Variants in PTPRE observed in about 807,000 individuals in gnomAD.
PTPRE encodes the protein receptor-type tyrosine-protein phosphatase epsilon.
A neutral mutation model predicts 102.0 loss-of-function variants in PTPRE; 51 were observed. The ratio of observed to expected loss-of-function variants is 0.50; its 90% CI spans 0.40 to 0.63. The LOEUF (loss-of-function observed/expected upper bound fraction) is 0.63. PTPRE is among the 30% of genes least tolerant of loss of function. The pLI, the probability that PTPRE is intolerant of heterozygous loss-of-function variation, is 0.00. For synonymous variants in PTPRE, 345 were observed against 348.2 expected (o/e 0.99, Z 0.10); for missense variants, 752 against 915.1 (o/e 0.82, Z 2.30).
chr10:128,049,738 G>A lies in PTPRE; in HGVS notation c.420+72G>A, dbSNP rs924828182. On this transcript the variant is annotated intron_variant, in intron 6 of 20. Coordinates refer to ENST00000254667, the MANE Select transcript of PTPRE (RefSeq NM_006504.6). ...TGTGAAATCCAGTGTTAGAGTTCAG[G>A]ATGAATTATCCCAAAGACTCAGAAC... The A allele has an allele frequency of 2.5e-4, 396 of 1,596,392 alleles. 3 individuals are homozygous for A. Among genetic ancestry groups the A allele is most frequent in the Middle Eastern group, 1.7e-4 (1 of 5,914 alleles).
At chr10:127,964,871 A>G (rs770176210) in intron 1 of PTPRE, 1 of 391,638 alleles carries the variant, frequency 2.6e-6, no homozygotes, top group Non-Finnish European at 5.1e-6. Context: ...AGCCGAGCTC[A>G]TCAGCGGGCT....
At chr10:127,983,913 G>C (rs1476430872) in intron 2 of PTPRE, among the ~76,000 whole-genome samples, 1 of 152,076 alleles carries the variant, frequency 6.6e-6, no homozygotes, top group Non-Finnish European at 1.5e-5. Context: ...AAACCGGCAA[G>C]AGATTCAGAA....
At chr10:128,080,359 C>T (rs907680395) in intron 20 of PTPRE, among the ~76,000 whole-genome samples, 2 of 152,192 alleles carry the variant, frequency 1.3e-5, no homozygotes, top group African/African-American at 4.8e-5. Context: ...TCCCTGCCTG[C>T]TCACTCTCCA....
intron 1 of PTPRE, among the ~76,000 whole-genome samples, chr10:127,945,751 A>G (rs1589800587): frequency 6.6e-6 from 1 of 152,082 alleles, no homozygotes; most frequent in African/African-American, 2.4e-5. Context: ...TTTCCTCCTC[A>G]AGATTCATCA....
intron 17 of PTPRE, 39 bp from the exon 18 acceptor site, chr10:128,076,564 A>G (rs777294594): frequency 1.3e-6 from 2 of 1,544,862 alleles, no homozygotes; most frequent in East Asian, 2.3e-5. Context: ...GCAGCAAATT[A>G]TTTATTACAA....
chr10:128,021,670 C>T (rs1342868457), intron 2 of PTPRE, among the ~76,000 whole-genome samples: 2 of 152,250 alleles, frequency 1.3e-5, no homozygotes, highest in Admixed American at 1.3e-4. Flanking sequence ...TCCTGTTCTT[C>T]TCACCAGTCA....
chr10:127,960,146 G>T (rs1288831355), intron 1 of PTPRE, among the ~76,000 whole-genome samples: 1 of 152,168 alleles, frequency 6.6e-6, no homozygotes, highest in Non-Finnish European at 1.5e-5. Context: ...TTGCTGGCAT[G>T]CGGGTGCCCC....
Position 128,011,750 on chromosome 10 carries a change from C to A in PTPRE, c.-7-29125C>A, listed in dbSNP as rs538691430. 6.6e-4 allele frequency among the ~76,000 whole-genome samples: 101 copies of A among 152,370 alleles called. 1 individual carries two copies. Among genetic ancestry groups the A allele is most frequent in the African/African-American group, 2.3e-3 (96 of 41,596 alleles). On this transcript the variant is annotated intron_variant, in intron 2 of 20. Transcript: ENST00000254667. ...GCATCCTAGGGGCTCCCCCCTCCAC[C>A]CCAAGAGGGTGCCATGGCTGGTGCC...
At chr10:127,982,993 A>T (rs1273787500) in intron 2 of PTPRE, among the ~76,000 whole-genome samples, 1 of 152,184 alleles carries the variant, frequency 6.6e-6, no homozygotes, top group Non-Finnish European at 1.5e-5. Flanking sequence ...TGGCACGTGG[A>T]CTTCTGGGTG....
intron 10 of PTPRE, among the ~76,000 whole-genome samples, chr10:128,063,742 T>C (rs1441495230): frequency 6.6e-6 from 1 of 152,248 alleles, no homozygotes; most frequent in Non-Finnish European, 1.5e-5. Context: ...AAGTACTCAT[T>C]AGCATCTGCT....
At chr10:127,991,399 A>T (rs1273833392) in intron 2 of PTPRE, among the ~76,000 whole-genome samples, 2 of 152,162 alleles carry the variant, frequency 1.3e-5, no homozygotes, top group South Asian at 4.1e-4. Flanking sequence ...TCCTTTAAAA[A>T]ATTCTTTCTG....
At chr10:128,010,357 G>A (rs1844876348) in intron 2 of PTPRE, among the ~76,000 whole-genome samples, 1 of 152,172 alleles carries the variant, frequency 6.6e-6, no homozygotes, top group Non-Finnish European at 1.5e-5. Context: ...GCTTGGCTTG[G>A]GGAATTGAAA....
Position 127,954,742 on chromosome 10 carries a change from C to A in PTPRE, c.-30-27532C>A, listed in dbSNP as rs140459965. On this transcript the variant is annotated intron_variant, in intron 1 of 20. Transcript: ENST00000254667. ...CTAAATCAGTGTCCAACATATGATG[C>A]TCTTTCTCCTATAGCCGGGATTCAC... Among the ~76,000 whole-genome samples, 4 of 152,116 alleles carry A rather than the reference C, an allele frequency of 2.6e-5. No individual in the cohort carries two copies. In the South Asian group the frequency reaches 6.3e-4, roughly 24 times the overall value.
rs4568912 is a variant in PTPRE at position 128,084,376 on chromosome 10, A to G, written c.*1470A>G. ...TTCACTGATAACTGATCGCACCCTC[A>G]TGTTGCAGTGTTCGTCCCCTATTCA... On this transcript the variant is annotated 3_prime_UTR_variant, in exon 21 of 21. Transcript: ENST00000254667. The G allele has an allele frequency of 0.55, 83,065 of 152,038 alleles. 22,880 individuals carry two copies. The highest frequency in any genetic ancestry group is 0.62 in the Admixed American group (9,480 of 15,300). The allele number at this position is 152,038 out of a possible 1,614,324, so 9.4% of individuals were successfully genotyped here. A position where few individuals can be genotyped will look rare whatever the true frequency, so the allele number is the denominator to read the frequency against.
intron 1 of PTPRE, among the ~76,000 whole-genome samples, chr10:127,970,180 C>G (rs763037396): frequency 6.6e-6 from 1 of 152,150 alleles, no homozygotes; most frequent in Non-Finnish European, 1.5e-5. Context: ...AGCTGGGAGA[C>G]ACAAGAGGGA....
intron 10 of PTPRE, among the ~76,000 whole-genome samples, chr10:128,063,833 G>A (rs1260239850): frequency 1.3e-5 from 2 of 152,148 alleles, no homozygotes; most frequent in African/African-American, 4.8e-5. Flanking sequence ...GGGGAGCCTG[G>A]GTGCGGGGGT....
rs943814911 is a variant in PTPRE, at chr10:128,007,972, A to C, written c.-8+25676A>C. Among the ~76,000 whole-genome samples the C allele has an allele frequency of 2.6e-5, 4 of 152,222 alleles. No homozygotes were observed. In the South Asian group the frequency reaches 8.3e-4, roughly 32 times the overall value. ...ACATTGATAAACCCTCCTACATCCCAATACTGACTTAGGGATGGAACCCCG... is the reference window on the plus strand; with the variant it reads ...ACATTGATAAACCCTCCTACATCCCCATACTGACTTAGGGATGGAACCCCG... On this transcript the variant is annotated intron_variant, in intron 2 of 20. Coordinates refer to ENST00000254667, the MANE Select transcript of PTPRE (RefSeq NM_006504.6).
At chr10:127,959,259 G>A (rs1287000351) in intron 1 of PTPRE, among the ~76,000 whole-genome samples, 1 of 152,188 alleles carries the variant, frequency 6.6e-6, no homozygotes, top group Non-Finnish European at 1.5e-5. Context: ...GACTTGAGGG[G>A]AGTGGAGAAA....
chr10:127,966,509 C>T (rs1208761874), intron 1 of PTPRE, among the ~76,000 whole-genome samples: 1 of 152,114 alleles, frequency 6.6e-6, no homozygotes, highest in Non-Finnish European at 1.5e-5. Flanking sequence ...GTAGACATTA[C>T]CACATACACC....
Sources: gnomAD v4.1 joint callset for allele counts (sites outside exome capture counted in the v4.1 genomes callset) on GRCh38, gnomAD v4.1.1 for gene constraint, MANE v1.5 for transcripts, NCBI Gene and HGNC (gene_info 2026-07-23, HGNC 2026-07-21) for gene names.